Variants in MYO1H observed in about 807,000 individuals in gnomAD.
The protein encoded by MYO1H is myosin IH.
A neutral mutation model predicts 149.3 loss-of-function variants in MYO1H; 118 were observed. The ratio of observed to expected loss-of-function variants is 0.79; its 90% CI spans 0.68 to 0.92. The LOEUF is 0.92. Ranked by LOEUF, MYO1H falls within the 40% of genes least tolerant of loss-of-function variation. MYO1H has a pLI of 0.00. For synonymous variants in MYO1H, 447 were observed against 465.2 expected, an observed-to-expected ratio of 0.96 and a Z score of 0.50; for missense variants, 1,212 against 1,280.7, an observed-to-expected ratio of 0.95 and a Z score of 0.82.
At chr12:109,397,878 C>A in intron 5 of MYO1H, 66 bp downstream of exon 5, 1 of 1,286,292 alleles carries the variant, frequency 7.8e-7, no homozygotes, top group Admixed American at 2.5e-5. Flanking sequence ...GAACCCAAGC[C>A]AAGGCCCCTT....
intron 6 of MYO1H, 128 bp from the exon 7 acceptor site, chr12:109,403,853 TA>T: frequency 1.7e-6 from 1 of 587,494 alleles, no homozygotes; most frequent in Non-Finnish European, 3.0e-6. Context: ...ACAATTAGAG[TA>T]AAACCTATTT....
chr12:109,367,699 C>T (rs1868894796), intron 1 of MYO1H, among the ~76,000 whole-genome samples: 1 of 151,658 alleles, frequency 6.6e-6, no homozygotes, highest in South Asian at 2.1e-4. Context: ...CTACAGGCGC[C>T]CGCCACCACA....
the MYO1H span, among the ~76,000 whole-genome samples, chr12:109,312,925 G>A: frequency 6.6e-6 from 1 of 151,792 alleles, no homozygotes; most frequent in Non-Finnish European, 1.5e-5. Flanking sequence ...CTAAAAGCTA[G>A]GTGATATTTT....
chr12:109,331,589 A>G, the MYO1H span, among the ~76,000 whole-genome samples: 1 of 152,184 alleles, frequency 6.6e-6, no homozygotes, highest in African/African-American at 2.4e-5. Context: ...ACCACCCTGG[A>G]AGGAGGACTT....
the MYO1H span, among the ~76,000 whole-genome samples, chr12:109,321,139 A>G: frequency 1.3e-5 from 2 of 152,316 alleles, no homozygotes; most frequent in African/African-American, 4.8e-5. Flanking sequence ...ATCTGCCTGC[A>G]TAAAAATTAA....
chr12:109,430,269 G>A (rs914899588), intron 19 of MYO1H, among the ~76,000 whole-genome samples: 5 of 152,270 alleles, frequency 3.3e-5, no homozygotes, highest in African/African-American at 1.2e-4. Flanking sequence ...GGATCGAGCT[G>A]GAGATAGCCA....
chr12:109,423,458 G>T (rs1185149349), intron 16 of MYO1H, among the ~76,000 whole-genome samples: 2 of 152,196 alleles, frequency 1.3e-5, no homozygotes, highest in African/African-American at 2.4e-5. Flanking sequence ...GACCACGCTC[G>T]GCCACATTTT....
At chr12:109,396,095 C>CT (rs1410104829) in intron 3 of MYO1H, among the ~76,000 whole-genome samples, 1 of 151,678 alleles carries the variant, frequency 6.6e-6, no homozygotes, top group Non-Finnish European at 1.5e-5. Context: ...ATTTTTGTAT[C>CT]TTTTTTTAGT....
rs111755733 is a variant in MYO1H at position 109,413,195 on chromosome 12, G to A, written c.1502+1210G>A. ...TCACCATGTTAGCCAGGCTGGTCTC[G>A]AACTCCTGACCTCAAGTGATCTGCC... On this transcript the variant is annotated intron_variant, in intron 14 of 31. Transcript: ENST00000310903. Among the ~76,000 whole-genome samples, 19 of 152,050 alleles carry A rather than the reference G, an allele frequency of 1.2e-4. 1 individual carries two copies. Among genetic ancestry groups the A allele is most frequent in the East Asian group, 9.7e-4 (5 of 5,164 alleles).
At chr12:109,404,144 T>G in intron 7 of MYO1H, 64 bp downstream of exon 7, 1 of 1,306,278 alleles carries the variant, frequency 7.7e-7, no homozygotes. Flanking sequence ...CCTAATTTCT[T>G]GGTGTTTGCA....
chr12:109,409,237 CTTCTTCTTCTTTTTT>C (rs1314901330), intron 10 of MYO1H, among the ~76,000 whole-genome samples: 1 of 67,876 alleles, frequency 1.5e-5, no homozygotes, highest in African/African-American at 5.7e-5. Flanking sequence ...TCTTCTTCTT[CTTCTTCTTCTTTTTT>C]TTTTTTTTTT....
intron 1 of MYO1H, among the ~76,000 whole-genome samples, chr12:109,366,389 A>G (rs11066411): frequency 0.24 from 36,799 of 152,142 alleles, 5,320 homozygotes; most frequent in East Asian, 0.39. Context: ...CCAATGCTAT[A>G]GTTTATTCAA....
intron 9 of MYO1H, 51 bp from the exon 10 acceptor site, chr12:109,407,743 T>C: frequency 1.3e-6 from 2 of 1,596,968 alleles, no homozygotes; most frequent in Non-Finnish European, 1.7e-6. Context: ...TTGAACACTC[T>C]GGGGGCTTCT....
intron 10 of MYO1H, among the ~76,000 whole-genome samples, chr12:109,409,216 CT>C (rs1566031686): frequency 1.1e-4 from 15 of 135,384 alleles, no homozygotes; most frequent in Non-Finnish European, 1.9e-4. Flanking sequence ...TCTTCTTCTC[CT>C]TCTTCTTTTT....
chr12:109,317,697 C>T, the MYO1H span, among the ~76,000 whole-genome samples: 3 of 152,208 alleles, frequency 2.0e-5, no homozygotes, highest in Admixed American at 6.5e-5. Flanking sequence ...TTTAGGGATA[C>T]AGCCTCCACT....
chr12:109,312,201 G>T, the MYO1H span, among the ~76,000 whole-genome samples: 1 of 132,918 alleles, frequency 7.5e-6, no homozygotes, highest in African/African-American at 3.1e-5. Flanking sequence ...AAGAAGTTCA[G>T]TTTTTTTTTT....
intron 1 of MYO1H, among the ~76,000 whole-genome samples, chr12:109,361,806 T>A (rs543769821): frequency 3.3e-5 from 4 of 121,924 alleles, no homozygotes; most frequent in African/African-American, 9.9e-5. Flanking sequence ...AGCAAGACCT[T>A]GTCTCACAAA....
chr12:109,446,719 G>A lies in MYO1H; in HGVS notation c.3094-440G>A, dbSNP rs7962585. On this transcript the variant is annotated intron_variant, in intron 31 of 31. Transcript: ENST00000310903. ...GCGGAGGTTGCAGTGAGCTGAGATC[G>A]CACCACTACACTCCAGCCTGGGCGA... is the stretch of plus-strand genomic sequence containing the variant. Among the ~76,000 whole-genome samples the A allele has an allele frequency of 5.2e-3, 787 of 152,204 alleles. 5 individuals are homozygous for A. Among genetic ancestry groups the A allele is most frequent in the African/African-American group, 0.017 (707 of 41,524 alleles).
chr12:109,401,037 C>A, intron 5 of MYO1H, 56 bp from the exon 6 acceptor site: 1 of 1,514,534 alleles, frequency 6.6e-7, no homozygotes, highest in Non-Finnish European at 9.1e-7. Context: ...CAGGAGATGC[C>A]AGGAAGAGAG....
Sources: gnomAD v4.1 joint callset for allele counts (sites outside exome capture counted in the v4.1 genomes callset) on GRCh38, gnomAD v4.1.1 for gene constraint, MANE v1.5 for transcripts, NCBI Gene and HGNC (gene_info 2026-07-23, HGNC 2026-07-21) for gene names.